SLC8A3: variants seen among roughly 807,000 people sequenced by gnomAD.
SLC8A3 encodes the protein sodium/calcium exchanger 3.
SLC8A3 carries 37 observed loss-of-function variants against 65.4 expected under a neutral mutation model. The observed-to-expected ratio is 0.57, with a 90% CI of 0.44 to 0.74. The LOEUF is 0.74. Among genes scored for constraint, SLC8A3 ranks in the 30% least tolerant of loss-of-function variants. SLC8A3 has a pLI of 0.00. For synonymous variants in SLC8A3, 461 were observed against 444.5 expected, an observed-to-expected ratio of 1.04 and a Z score of -0.47; for missense variants, 1,112 against 1,172.1, an observed-to-expected ratio of 0.95 and a Z score of 0.75.
intron 2 of SLC8A3, among the ~76,000 whole-genome samples, chr14:70,069,389 A>T (rs1433788913): frequency 6.6e-6 from 1 of 152,128 alleles, no homozygotes; most frequent in Non-Finnish European, 1.5e-5. Context: ...TTCCTACTGA[A>T]TGACTCTTTA....
intron 2 of SLC8A3, among the ~76,000 whole-genome samples, chr14:70,132,345 A>T (rs1894894962): frequency 6.6e-6 from 1 of 152,262 alleles, no homozygotes; most frequent in South Asian, 2.1e-4. Flanking sequence ...TGAGTTTAGC[A>T]TTTGAGTATT....
intron 2 of SLC8A3, among the ~76,000 whole-genome samples, chr14:70,137,201 A>G (rs951369040): frequency 6.6e-6 from 1 of 150,484 alleles, no homozygotes; most frequent in Non-Finnish European, 1.5e-5. Context: ...GATGGAGTGC[A>G]GTGGCATGAT....
chr14:70,186,421 T>G (rs1883222613), intron 1 of SLC8A3, among the ~76,000 whole-genome samples: 1 of 152,170 alleles, frequency 6.6e-6, no homozygotes, highest in Non-Finnish European at 1.5e-5. Context: ...AAAGGCTTCC[T>G]TGAGGAAGTA....
At chr14:70,088,553 C>T (rs115209665) in intron 2 of SLC8A3, among the ~76,000 whole-genome samples, 2,666 of 152,238 alleles carry the variant, frequency 0.018, 82 homozygotes, top group African/African-American at 0.062. Flanking sequence ...CAGCATCCTG[C>T]GTGGCTTTAG....
chr14:70,176,181 A>T lies in SLC8A3; in HGVS notation c.-62-7697T>A, dbSNP rs185838190. Among the ~76,000 whole-genome samples the T allele has an allele frequency of 1.3e-3, 205 of 152,372 alleles. 1 individual carries two copies. Among genetic ancestry groups the T allele is most frequent in the East Asian group, 9.6e-4 (5 of 5,186 alleles). On this transcript the variant is annotated intron_variant, in intron 1 of 6. Transcript: ENST00000356921. Reference sequence around the variant, plus strand: ...ACTTTGCCCTCTCCAAATCCTTGACAGATCTGGGGAGTTACAAACACTGAG... The same window carrying T: ...ACTTTGCCCTCTCCAAATCCTTGACTGATCTGGGGAGTTACAAACACTGAG...
At chr14:70,111,925 AG>A (rs1320018105) in intron 2 of SLC8A3, among the ~76,000 whole-genome samples, 2 of 152,230 alleles carry the variant, frequency 1.3e-5, no homozygotes, top group Non-Finnish European at 2.9e-5. Context: ...CAGCAATGCC[AG>A]GGAACCTGAG....
intron 2 of SLC8A3, among the ~76,000 whole-genome samples, chr14:70,088,734 G>A (rs993157908): frequency 6.6e-6 from 1 of 151,994 alleles, no homozygotes; most frequent in Non-Finnish European, 1.5e-5. Flanking sequence ...TTCCATAGCT[G>A]AACTTCTTAT....
At chr14:70,113,174 G>C (rs1566788030) in intron 2 of SLC8A3, among the ~76,000 whole-genome samples, 2 of 152,220 alleles carry the variant, frequency 1.3e-5, no homozygotes, top group South Asian at 4.2e-4. Context: ...TCATTAGGAA[G>C]TTTCATCACT....
intron 2 of SLC8A3, among the ~76,000 whole-genome samples, chr14:70,091,840 T>A (rs1046058647): frequency 6.6e-6 from 1 of 152,170 alleles, no homozygotes; most frequent in Non-Finnish European, 1.5e-5. Context: ...CTCACCATCA[T>A]CCTCACAATT....
intron 2 of SLC8A3, among the ~76,000 whole-genome samples, chr14:70,147,126 T>G (rs552702985): frequency 6.6e-6 from 1 of 152,248 alleles, no homozygotes; most frequent in South Asian, 2.1e-4. Flanking sequence ...GGGGGCATGA[T>G]TTGGGCTGCT....
chr14:70,148,265 G>C lies in SLC8A3; in HGVS notation c.1784+18374C>G, dbSNP rs1048265812. ...GGTTATATGAAATAAATACATTTTT[G>C]ACTTATGGTATTTGTAACTTGCAAT... On this transcript the variant is annotated intron_variant, in intron 2 of 6. Coordinates refer to ENST00000356921, the MANE Select transcript of SLC8A3 (RefSeq NM_182932.3). Among the ~76,000 whole-genome samples the C allele has an allele frequency of 2.6e-5, 4 of 152,212 alleles. No individual in the cohort carries two copies. The East Asian group carries it at 7.7e-4, about 29-fold the overall frequency.
intron 1 of SLC8A3, among the ~76,000 whole-genome samples, chr14:70,185,402 A>T (rs1335545522): frequency 6.6e-6 from 1 of 152,258 alleles, no homozygotes; most frequent in Non-Finnish European, 1.5e-5. Flanking sequence ...GCCCATAAGT[A>T]ATATCAACAA....
chr14:70,171,569 G>C (rs1401666579), intron 1 of SLC8A3, among the ~76,000 whole-genome samples: 1 of 152,202 alleles, frequency 6.6e-6, no homozygotes, highest in African/African-American at 2.4e-5. Context: ...GGAAGGTTGA[G>C]ACAGGTGGAT....
At chr14:70,101,227 C>T (rs1348013537) in intron 2 of SLC8A3, among the ~76,000 whole-genome samples, 3 of 152,094 alleles carry the variant, frequency 2.0e-5, no homozygotes, top group African/African-American at 7.2e-5. Context: ...TAAATAAGTG[C>T]TTTGAAGGAA....
At chr14:70,076,696 C>A (rs193258094) in intron 2 of SLC8A3, among the ~76,000 whole-genome samples, 8 of 152,316 alleles carry the variant, frequency 5.3e-5, no homozygotes, top group African/African-American at 1.7e-4. Flanking sequence ...ACAAGTCTAA[C>A]CTCCTTTTCC....
intron 2 of SLC8A3, among the ~76,000 whole-genome samples, chr14:70,097,264 C>A (rs1892242981): frequency 7.0e-6 from 1 of 142,640 alleles, no homozygotes; most frequent in Non-Finnish European, 1.5e-5. Flanking sequence ...TTAGATACCA[C>A]CCTCAGAAAA....
Position 70,168,043 on chromosome 14 carries a change from C to T in SLC8A3, c.380G>A (p.Arg127Gln), listed in dbSNP as rs201527251. The change falls in exon 2 of 7, where the codon CGG (arginine) becomes CAG (glutamine). Residue 127 changes from arginine (R) to glutamine (Q), a missense_variant. Arg to Gln is a conservative substitution (Grantham distance 43, BLOSUM62 1). Transcript: ENST00000356921. ...GTTGGAGACAGTTTCATTCCAGACC[C>T]GAATAGTGGTTGTGCTGGTTTCTCC... ...PNGETSTTTI[R>Q]VWNETVSNLT... The T allele has an allele frequency of 1.4e-5, 23 of 1,614,044 alleles. No homozygotes were observed. Among genetic ancestry groups the T allele is most frequent in the African/African-American group, 2.7e-5 (2 of 74,992 alleles).
chr14:70,078,861 C>A (rs959239023), intron 2 of SLC8A3, among the ~76,000 whole-genome samples: 1 of 152,186 alleles, frequency 6.6e-6, no homozygotes, highest in African/African-American at 2.4e-5. Context: ...GTCTACCAAT[C>A]ATATAAACCC....
chr14:70,074,350 G>A (rs1402530335), intron 2 of SLC8A3, among the ~76,000 whole-genome samples: 3 of 152,186 alleles, frequency 2.0e-5, no homozygotes, highest in Non-Finnish European at 4.4e-5. Flanking sequence ...TATACCACCT[G>A]GAGACAACGT....
Sources: allele counts gnomAD v4.1 joint callset (sites outside exome capture counted in the v4.1 genomes callset), GRCh38; gene constraint gnomAD v4.1.1; transcripts MANE v1.5; gene names NCBI Gene and HGNC (gene_info 2026-07-23, HGNC 2026-07-21).